The following VDAC1 variants were observed in gnomAD, a reference collection of about 807,000 sequenced individuals.
The protein encoded by VDAC1 is voltage dependent anion channel 1, also known as non-selective voltage-gated ion channel VDAC1.
A neutral mutation model predicts 34.7 loss-of-function variants in VDAC1; 10 were observed. The ratio of observed to expected loss-of-function variants is 0.29; its 90% CI spans 0.18 to 0.49. The LOEUF (loss-of-function observed/expected upper bound fraction) is 0.49. Ranked by LOEUF, VDAC1 falls within the 20% of genes least tolerant of loss-of-function variation. VDAC1 has a pLI of 0.99. For synonymous variants in VDAC1, 130 were observed against 136.0 expected (o/e 0.96, Z 0.30); for missense variants, 230 against 347.9 (o/e 0.66, Z 2.69).
At chr5:134,072,275 G>C in the VDAC1 span, among the ~76,000 whole-genome samples, 236 of 152,288 alleles carry the variant, frequency 1.5e-3, 1 homozygote, top group African/African-American at 5.3e-3. Flanking sequence ...CAACCAGAGA[G>C]AGAGGGTACC....
the VDAC1 span, among the ~76,000 whole-genome samples, chr5:134,071,253 C>A: frequency 1.3e-5 from 2 of 152,350 alleles, no homozygotes; most frequent in South Asian, 4.1e-4. The surrounding 1 kb of genome is among the most constrained non-coding windows in gnomAD (Gnocchi z 4.1). Context: ...TGCCAAGGTG[C>A]GGACGCAGCG....
chr5:133,983,190 G>A (rs1039154349), intron 5 of VDAC1, among the ~76,000 whole-genome samples: 3 of 151,326 alleles, frequency 2.0e-5, no homozygotes, highest in African/African-American at 7.3e-5. Context: ...CGGAGGCTGC[G>A]TGAGCTGAGA....
the VDAC1 span, among the ~76,000 whole-genome samples, chr5:134,075,977 G>GT: frequency 6.6e-6 from 1 of 150,938 alleles, no homozygotes; most frequent in Non-Finnish European, 1.5e-5. Context: ...CCCTCTCATG[G>GT]TTTTTTTGTT....
the VDAC1 span, among the ~76,000 whole-genome samples, chr5:134,059,272 A>T: frequency 1.3e-5 from 2 of 152,300 alleles, no homozygotes; most frequent in East Asian, 3.9e-4. Context: ...GGCTCCCAGG[A>T]CACAGAGCCA....
chr5:134,042,921 C>A, the VDAC1 span, among the ~76,000 whole-genome samples: 1 of 152,234 alleles, frequency 6.6e-6, no homozygotes, highest in African/African-American at 2.4e-5. Context: ...AACCAGAGTG[C>A]TCTAGACTTC....
the VDAC1 span, among the ~76,000 whole-genome samples, chr5:134,032,124 C>CAAAAAAAAAAAAAAAAAAAAAAAAAAA: frequency 1.5e-3 from 55 of 36,128 alleles, 10 homozygotes; most frequent in Non-Finnish European, 1.6e-3. Flanking sequence ...CTCTGCCTCA[C>CAAAAAAAAAAAAAAAAAAAAAAAAAAA]AAAAAAAAAA....
At chr5:134,078,125 C>T in the VDAC1 span, among the ~76,000 whole-genome samples, 1 of 152,246 alleles carries the variant, frequency 6.6e-6, no homozygotes, top group Admixed American at 6.5e-5. Context: ...CCAACACCTG[C>T]TCTATGCCAG....
the VDAC1 span, among the ~76,000 whole-genome samples, chr5:134,027,288 C>T: frequency 6.6e-6 from 1 of 152,330 alleles, no homozygotes; most frequent in Admixed American, 6.5e-5. Context: ...TCTCCCGCCC[C>T]ATCAGCAGCC....
chr5:134,049,228 A>G, the VDAC1 span, among the ~76,000 whole-genome samples: 1 of 152,222 alleles, frequency 6.6e-6, no homozygotes, highest in Non-Finnish European at 1.5e-5. Flanking sequence ...AGCATTTAAA[A>G]TGATTTCATA....
the VDAC1 span, among the ~76,000 whole-genome samples, chr5:134,103,513 G>A: frequency 3.3e-5 from 5 of 152,174 alleles, no homozygotes; most frequent in African/African-American, 7.2e-5. Flanking sequence ...ACTCCCCTCT[G>A]CAAGGGCCTC....
upstream of VDAC1, chr5:134,005,598 G>T (rs1185546376): frequency 6.6e-6 from 1 of 152,238 alleles, no homozygotes; most frequent in Non-Finnish European, 1.5e-5. Flanking sequence ...TCGGCGCGAG[G>T]AGATCACGCC....
At chr5:134,068,113 A>C in the VDAC1 span, among the ~76,000 whole-genome samples, 1 of 151,970 alleles carries the variant, frequency 6.6e-6, no homozygotes, top group African/African-American at 2.4e-5. Flanking sequence ...GGGAGACTAC[A>C]TCTCAAAAAA....
chr5:134,027,791 A>G, the VDAC1 span, among the ~76,000 whole-genome samples: 922 of 118,506 alleles, frequency 7.8e-3, 11 homozygotes, highest in African/African-American at 0.029. Flanking sequence ...TTTTTTTGAG[A>G]TGGAGTCTCG....
the VDAC1 span, among the ~76,000 whole-genome samples, chr5:134,101,686 C>T: frequency 6.6e-6 from 1 of 152,196 alleles, no homozygotes; most frequent in African/African-American, 2.4e-5. Flanking sequence ...ATCCCACCAG[C>T]CTGAGTAGCT....
At chr5:134,040,435 T>G in the VDAC1 span, among the ~76,000 whole-genome samples, 1 of 151,900 alleles carries the variant, frequency 6.6e-6, no homozygotes, top group Non-Finnish European at 1.5e-5. Flanking sequence ...ATTAACTGGG[T>G]GTGGTGGCAC....
the VDAC1 span, among the ~76,000 whole-genome samples, chr5:134,100,831 T>C: frequency 6.6e-6 from 1 of 152,240 alleles, no homozygotes; most frequent in African/African-American, 2.4e-5. Flanking sequence ...TGACTTTCTC[T>C]CTGGGTTCTT....
chr5:134,048,430 C>A, the VDAC1 span, among the ~76,000 whole-genome samples: 2 of 152,026 alleles, frequency 1.3e-5, no homozygotes, highest in East Asian at 3.9e-4. Flanking sequence ...GCACGCCTGG[C>A]TAACTTTTGT....
the VDAC1 span, among the ~76,000 whole-genome samples, chr5:134,036,801 G>T: frequency 6.6e-6 from 1 of 151,422 alleles, no homozygotes; most frequent in Non-Finnish European, 1.5e-5. Context: ...AAAATACAAA[G>T]AATTAGCCAG....
chr5:134,052,573 G>A, the VDAC1 span, among the ~76,000 whole-genome samples: 133 of 152,154 alleles, frequency 8.7e-4, no homozygotes, highest in Non-Finnish European at 1.4e-3. Flanking sequence ...ATGAGTCACC[G>A]TGCTCAACCA....
Sources: gnomAD v4.1 joint callset for allele counts (sites outside exome capture counted in the v4.1 genomes callset) on GRCh38, gnomAD v4.1.1 for gene constraint, Gnocchi (gnomAD v3.1) non-coding constraint, MANE v1.5 for transcripts, NCBI Gene and HGNC (gene_info 2026-07-23, HGNC 2026-07-21) for gene names.